Variants in ASPSCR1 observed in about 807,000 individuals in gnomAD.
ASPSCR1 encodes ASPSCR1 tether for SLC2A4, UBX domain containing.
In ASPSCR1, 55 loss-of-function variants were observed where a neutral mutation model predicts 68.9. The ratio of observed to expected loss-of-function variants is 0.80; its 90% CI spans 0.64 to 1.00. ASPSCR1 has a LOEUF of 1.00. Among genes scored for constraint, ASPSCR1 ranks in the 50% least tolerant of loss-of-function variants. ASPSCR1 has a pLI of 0.00. For synonymous variants in ASPSCR1, 352 were observed against 332.6 expected (o/e 1.06, Z -0.63); for missense variants, 765 against 762.2 (o/e 1.00, Z -0.04).
rs182748954 is a variant in ASPSCR1, at chr17:81,984,097, C to T, written c.273+429C>T. ...GGAACTGCTGACCTCATGATCTACC[C>T]GCCTCGGCCTCCCAAAGTCCTCCCA... is the stretch of plus-strand genomic sequence containing the variant. On this transcript the variant is annotated intron_variant, in intron 3 of 15. Coordinates refer to ENST00000306739, the MANE Select transcript of ASPSCR1 (RefSeq NM_024083.4). 3.0e-3 allele frequency among the ~76,000 whole-genome samples: 449 copies of T among 152,158 alleles called. 1 individual carries two copies. Among genetic ancestry groups the T allele is most frequent in the African/African-American group, 0.01 (425 of 41,518 alleles).
rs2042044494 is a variant in ASPSCR1, at chr17:81,987,830, A to C, written c.374+2223A>C. On this transcript the variant is annotated intron_variant, in intron 4 of 15. Coordinates refer to ENST00000306739, the MANE Select transcript of ASPSCR1 (RefSeq NM_024083.4). The surrounding 1 kb of genome is among the most constrained non-coding windows in gnomAD (Gnocchi z 5.6). ...CCATTGCACTCTAGCCTGGGTGACA[A>C]GAGCAAAACTCCATCTCAAAAAAAC... 6.6e-6 allele frequency among the ~76,000 whole-genome samples: 1 copy of C among 151,634 alleles called. No individual in the cohort carries two copies. Among genetic ancestry groups the C allele is most frequent in the African/African-American group, 2.4e-5 (1 of 41,254 alleles).
In ASPSCR1 at chr17:81,989,568, C is replaced by T. The variant is rs556375721; in HGVS notation, c.374+3961C>T. ...GTGTAGGCGCTGTGCTTCGAAGGGG[C>T]GTTCTGAGGCTGGGGGCTGCAGGCC... On this transcript the variant is annotated intron_variant, in intron 4 of 15. Transcript: ENST00000306739. Among the ~76,000 whole-genome samples the T allele has an allele frequency of 6.8e-4, 103 of 152,210 alleles. 1 individual carries two copies. The highest frequency in any genetic ancestry group is 2.2e-3 in the African/African-American group (92 of 41,524).
chr17:82,004,570 T>G (rs1366178984), intron 7 of ASPSCR1: 2 of 152,434 alleles, frequency 1.3e-5, no homozygotes, highest in East Asian at 3.9e-4. Flanking sequence ...TCCCTCATGG[T>G]GCCAGCTGGA....
At chr17:82,012,680 G>A (rs960737337) in intron 12 of ASPSCR1, among the ~76,000 whole-genome samples, 2 of 152,176 alleles carry the variant, frequency 1.3e-5, no homozygotes, top group African/African-American at 2.4e-5. Flanking sequence ...CCCTCAGCTG[G>A]AGGCGGCCGC....
At chr17:82,016,581 C>T (rs966502552) in intron 13 of ASPSCR1, 54 bp downstream of exon 13, 2 of 1,546,718 alleles carry the variant, frequency 1.3e-6, no homozygotes, top group Non-Finnish European at 1.7e-6. Flanking sequence ...TGTCCCTGGA[C>T]CTCAGAGCCA....
rs2042917555 is a variant in ASPSCR1, at chr17:82,010,933, T to G, written c.1237+65T>G. 23 of 1,565,606 alleles carry G rather than the reference T, an allele frequency of 1.5e-5. 1 individual carries two copies. In the South Asian group the frequency reaches 2.4e-4, roughly 17 times the overall value. On this transcript the variant is annotated intron_variant, in intron 10 of 15. Transcript: ENST00000306739. ...GGCCCATGGGGCCTCTCCCGGCTCC[T>G]TCCTTCCAGGCCACAGGACTGCAGC...
Position 81,983,495 on chromosome 17 carries a change from G to C in ASPSCR1, c.159-59G>C. On this transcript the variant is annotated intron_variant, in intron 2 of 15. Transcript: ENST00000306739. The surrounding 1 kb of genome is among the most constrained non-coding windows in gnomAD (Gnocchi z 4.4). Reference sequence around the variant, plus strand: ...TGGTGGGACGGGGATGGCGGGGCGTGGATGGCAGGGCGTGTCAGGCTCTGC... The same window carrying C: ...TGGTGGGACGGGGATGGCGGGGCGTCGATGGCAGGGCGTGTCAGGCTCTGC... 1 of 1,408,222 alleles carries C rather than the reference G, an allele frequency of 7.1e-7. No individual in the cohort carries two copies. The highest frequency in any genetic ancestry group is 2.4e-5 in the East Asian group (1 of 42,060). 87.2% of individuals were successfully genotyped at this position (1,408,222 alleles called of 1,614,324 possible).
chr17:81,994,272 C>T (rs994625145), intron 4 of ASPSCR1, among the ~76,000 whole-genome samples: 1 of 152,250 alleles, frequency 6.6e-6, no homozygotes, highest in African/African-American at 2.4e-5. Context: ...AGCACGGCCT[C>T]CCCGGCCACA....
At chr17:81,993,665 GT>G (rs1350246713) in intron 4 of ASPSCR1, among the ~76,000 whole-genome samples, 3 of 152,244 alleles carry the variant, frequency 2.0e-5, no homozygotes, top group Non-Finnish European at 4.4e-5. Flanking sequence ...GGATGTGCAC[GT>G]ATGTCTCGAC....
intron 7 of ASPSCR1, among the ~76,000 whole-genome samples, chr17:82,003,121 T>TA (rs1156983428): frequency 1.4e-4 from 22 of 152,332 alleles, no homozygotes; most frequent in Non-Finnish European, 2.9e-4. Context: ...GAGCTGGCAT[T>TA]ACAGGCGTGA....
intron 3 of ASPSCR1, among the ~76,000 whole-genome samples, chr17:81,984,987 C>T (rs1427646634): frequency 2.5e-5 from 3 of 121,906 alleles, no homozygotes; most frequent in South Asian, 5.4e-4. Flanking sequence ...CACACACCTG[C>T]GTGCACACCC....
chr17:81,985,391 C>A (rs1391548529), intron 3 of ASPSCR1, 116 bp from the exon 4 acceptor site: 4 of 1,086,542 alleles, frequency 3.7e-6, no homozygotes, highest in Non-Finnish European at 5.4e-6. Context: ...GTCAGCCTCT[C>A]CCTGGAGGCC....
At chr17:81,980,082 A>G (rs1319217167) in intron 2 of ASPSCR1, among the ~76,000 whole-genome samples, 5 of 152,194 alleles carry the variant, frequency 3.3e-5, no homozygotes, top group African/African-American at 1.2e-4. Context: ...TCCTAGGTTC[A>G]AGTGATTCTC....
chr17:82,002,757 C>T (rs1399632886), intron 7 of ASPSCR1, among the ~76,000 whole-genome samples: 2 of 152,020 alleles, frequency 1.3e-5, no homozygotes, highest in Non-Finnish European at 2.9e-5. Flanking sequence ...GGGGTTTTAC[C>T]ATGTTTGTCA....
At chr17:82,010,743 G>T in intron 9 of ASPSCR1, 59 bp from the exon 10 acceptor site, 1 of 1,563,342 alleles carries the variant, frequency 6.4e-7, no homozygotes. Context: ...GGGAGGCCAC[G>T]CCCTGGTCCC....
At chr17:81,979,115 T>C (rs376496415) in intron 1 of ASPSCR1, 69 bp from the exon 2 acceptor site, 2 of 1,554,780 alleles carry the variant, frequency 1.3e-6, no homozygotes, top group East Asian at 2.2e-5. Context: ...TGCCCTTGGC[T>C]GACCTGGCCC....
At chr17:81,984,627 T>A (rs2041904310) in intron 3 of ASPSCR1, among the ~76,000 whole-genome samples, 2 of 144,526 alleles carry the variant, frequency 1.4e-5, no homozygotes, top group African/African-American at 5.0e-5. Flanking sequence ...ATGTGGCTTC[T>A]GAGGGTCAGG....
chr17:81,986,126 T>G lies in ASPSCR1; in HGVS notation c.374+519T>G, dbSNP rs2144012528. 2.6e-5 allele frequency among the ~76,000 whole-genome samples: 4 copies of G among 152,072 alleles called. 1 individual carries two copies. The highest frequency in any genetic ancestry group is 2.6e-4 in the Admixed American group (4 of 15,272). ...ACCAGAAAATCTTCCTAATAGTAAT[T>G]GGATGGCTGGGCACAGTGGCTGGGC... On this transcript the variant is annotated intron_variant, in intron 4 of 15. Transcript: ENST00000306739. The surrounding 1 kb of genome is among the most constrained non-coding windows in gnomAD (Gnocchi z 5.2).
At chr17:81,982,452 C>T (rs989520742) in intron 2 of ASPSCR1, among the ~76,000 whole-genome samples, 2 of 152,234 alleles carry the variant, frequency 1.3e-5, no homozygotes, top group South Asian at 2.1e-4. Context: ...CAGCCCCAGG[C>T]GTGAACAGTG....
Sources: gnomAD v4.1 joint callset for allele counts (sites outside exome capture counted in the v4.1 genomes callset) on GRCh38, gnomAD v4.1.1 for gene constraint, Gnocchi (gnomAD v3.1) non-coding constraint, MANE v1.5 for transcripts, NCBI Gene and HGNC (gene_info 2026-07-23, HGNC 2026-07-21) for gene names.